Variants in TMTC1 observed in about 807,000 individuals in gnomAD.
TMTC1 encodes transmembrane O-mannosyltransferase targeting cadherins 1.
Under a neutral mutation model 104.8 loss-of-function variants are expected in TMTC1, and 73 were observed. The observed-to-expected ratio is 0.70, with a 90% confidence interval of 0.58 to 0.85. The LOEUF is 0.85. Among genes scored for constraint, TMTC1 ranks in the 40% least tolerant of loss-of-function variants. The pLI is 0.00. For missense variants in TMTC1, 1,035 were observed against 1,096.1 expected (o/e 0.94, Z 0.79); for synonymous variants, 434 against 428.7 (o/e 1.01, Z -0.15).
chr12:29,520,729 A>G lies in TMTC1; in HGVS notation c.1786-9T>C. 1 of 1,599,520 alleles carries G rather than the reference A, an allele frequency of 6.3e-7. No individual in the cohort carries two copies. Among genetic ancestry groups the G allele is most frequent in the Non-Finnish European group, 8.5e-7 (1 of 1,173,902 alleles). On this transcript the variant is annotated splice_polypyrimidine_tract_variant and intron_variant, in intron 11 of 17. Transcript: ENST00000539277. ...GCTTCTTTAAACCGCTCCTTTAAAA[A>G]GAAAGAAACAAACAAAATAAGTGAG...
chr12:29,681,518 A>G (rs73271760), intron 5 of TMTC1, among the ~76,000 whole-genome samples: 34,682 of 152,056 alleles, frequency 0.23, 4,244 homozygotes, highest in East Asian at 0.38. Flanking sequence ...AAGTATTCTA[A>G]CCAAAAAGAG....
Position 29,644,147 on chromosome 12 carries a change from GTGTATATATA to G in TMTC1, c.939-10821_939-10812del, listed in dbSNP as rs1173830595. Among the ~76,000 whole-genome samples, 470 of 61,526 alleles carry G rather than the reference GTGTATATATA, an allele frequency of 7.6e-3. 14 individuals are homozygous for G. Among genetic ancestry groups the G allele is most frequent in the Middle Eastern group, 0.016 (2 of 124 alleles). 40.4% of individuals were successfully genotyped at this position (61,526 alleles called of 152,430 possible). ...TGTGTGTGTGTGTGTGTGTGTGTGT[GTGTATATATA>G]TATATAATGAAATACTAAACAGCCA... On this transcript the variant is annotated intron_variant, in intron 5 of 17. Transcript: ENST00000539277.
chr12:29,700,227 C>G (rs1397906845), intron 5 of TMTC1, among the ~76,000 whole-genome samples: 2 of 138,874 alleles, frequency 1.4e-5, no homozygotes, highest in African/African-American at 2.6e-5. Flanking sequence ...TTTTGTTTTT[C>G]TTTTTTTTTT....
intron 5 of TMTC1, among the ~76,000 whole-genome samples, chr12:29,679,346 T>C (rs1940835578): frequency 6.6e-6 from 1 of 152,194 alleles, no homozygotes; most frequent in South Asian, 2.1e-4. Context: ...TTTCTGTAGT[T>C]CTGAATTTTT....
chr12:29,572,091 T>C lies in TMTC1; in HGVS notation c.1532+14A>G. On this transcript the variant is annotated intron_variant, in intron 9 of 17. Coordinates refer to ENST00000539277, the MANE Select transcript of TMTC1 (RefSeq NM_001193451.2). ...AAAGCACCAAGGCCAACACCCTCCCTGTGTGGCGCTTACTTGAGAGCTGTT... is the reference window on the plus strand; with the variant it reads ...AAAGCACCAAGGCCAACACCCTCCCCGTGTGGCGCTTACTTGAGAGCTGTT... The C allele has an allele frequency of 6.2e-7, 1 of 1,603,370 alleles. No homozygotes were observed. The highest frequency in any genetic ancestry group is 8.5e-7 in the Non-Finnish European group (1 of 1,170,412).
At chr12:29,546,581 C>T (rs1289594537) in intron 10 of TMTC1, among the ~76,000 whole-genome samples, 1 of 152,058 alleles carries the variant, frequency 6.6e-6, no homozygotes, top group African/African-American at 2.4e-5. Flanking sequence ...GATTTAAAAG[C>T]CTTTTGATTA....
intron 5 of TMTC1, among the ~76,000 whole-genome samples, chr12:29,664,056 G>A (rs896345375): frequency 1.1e-4 from 17 of 150,428 alleles, no homozygotes; most frequent in Admixed American, 3.3e-4. Flanking sequence ...GCGTAGTGGC[G>A]GGCGCCTGTA....
chr12:29,604,354 C>A, intron 6 of TMTC1, 55 bp from the exon 7 acceptor site: 1 of 1,607,376 alleles, frequency 6.2e-7, no homozygotes, highest in Non-Finnish European at 8.5e-7. Context: ...CCACTTCAGG[C>A]AGCATTTAAC....
intron 4 of TMTC1, among the ~76,000 whole-genome samples, chr12:29,754,753 C>G (rs2136981809): frequency 6.6e-6 from 1 of 152,234 alleles, no homozygotes; most frequent in South Asian, 2.1e-4. Flanking sequence ...CAACAGAGCA[C>G]TACACTCTTT....
rs554449512 is a variant in TMTC1, at chr12:29,523,124, C to T, written c.1786-2404G>A. 8.5e-5 allele frequency among the ~76,000 whole-genome samples: 13 copies of T among 152,338 alleles called. No individual in the cohort carries two copies. In the East Asian group the frequency reaches 2.5e-3, roughly 29 times the overall value. On this transcript the variant is annotated intron_variant, in intron 11 of 17. Transcript: ENST00000539277. ...TTTGGGTATTTGTCCATCTGTTCATCCATCCAACCTGTCCCTCCCTCCCTT... is the reference window on the plus strand; with the variant it reads ...TTTGGGTATTTGTCCATCTGTTCATTCATCCAACCTGTCCCTCCCTCCCTT...
intron 2 of TMTC1, among the ~76,000 whole-genome samples, chr12:29,760,094 C>T (rs921418516): frequency 3.9e-5 from 6 of 152,162 alleles, no homozygotes; most frequent in Admixed American, 1.3e-4. Context: ...GTATTCAGTA[C>T]GGTAGCCTAA....
At chr12:29,522,088 C>T (rs2136162548) in intron 11 of TMTC1, among the ~76,000 whole-genome samples, 2 of 152,292 alleles carry the variant, frequency 1.3e-5, no homozygotes, top group Admixed American at 1.3e-4. Flanking sequence ...CATATATGCC[C>T]TGAGTATGGA....
At chr12:29,731,122 T>C (rs1454201356) in intron 5 of TMTC1, among the ~76,000 whole-genome samples, 1 of 152,230 alleles carries the variant, frequency 6.6e-6, no homozygotes, top group Non-Finnish European at 1.5e-5. Flanking sequence ...GAGAATTTAA[T>C]TCAGCAAATA....
chr12:29,771,266 C>G (rs574202705), intron 1 of TMTC1, among the ~76,000 whole-genome samples: 1 of 152,086 alleles, frequency 6.6e-6, no homozygotes, highest in African/African-American at 2.4e-5. Flanking sequence ...CTAATTCTAA[C>G]AGGATTAGAC....
intron 5 of TMTC1, among the ~76,000 whole-genome samples, chr12:29,696,177 T>C (rs1941418576): frequency 6.6e-6 from 1 of 152,198 alleles, no homozygotes. Flanking sequence ...AGAAGCACTA[T>C]TATTTCGTTC....
At chr12:29,644,145 G>C (rs1200940726) in intron 5 of TMTC1, among the ~76,000 whole-genome samples, 2 of 76,918 alleles carry the variant, frequency 2.6e-5, no homozygotes, top group African/African-American at 1.2e-4. Flanking sequence ...GTGTGTGTGT[G>C]TGTGTATATA....
intron 5 of TMTC1, among the ~76,000 whole-genome samples, chr12:29,715,985 C>CATT (rs1565789801): frequency 8.2e-6 from 1 of 121,338 alleles, no homozygotes; most frequent in African/African-American, 3.1e-5. Flanking sequence ...CAGCCAAACT[C>CATT]AGTATTATTA....
At position 29,633,100 on chromosome 12, in the gene TMTC1, A is replaced by G. The variant is rs752273059; in HGVS notation, c.1128+47T>C. 1.2e-5 allele frequency: 19 copies of G among 1,546,412 alleles called. No individual in the cohort carries two copies. In the African/African-American group the frequency reaches 1.8e-4, roughly 14 times the overall value. On this transcript the variant is annotated intron_variant, in intron 6 of 17. Coordinates refer to ENST00000539277, the MANE Select transcript of TMTC1 (RefSeq NM_001193451.2). ...CTAAAAAGAACATTATAGGCATAGA[A>G]TATCTGTCTTCAAATGCAGAGTTCA...
intron 16 of TMTC1, 76 bp from the exon 17 acceptor site, chr12:29,512,196 C>T (rs1291487475): frequency 1.7e-5 from 21 of 1,232,332 alleles, no homozygotes; most frequent in Admixed American, 6.9e-5. Flanking sequence ...ACTTTCTTCA[C>T]GTGTGAAAAT....
Sources: gnomAD v4.1 joint callset for allele counts (sites outside exome capture counted in the v4.1 genomes callset) on GRCh38, gnomAD v4.1.1 for gene constraint, MANE v1.5 for transcripts, NCBI Gene and HGNC (gene_info 2026-07-23, HGNC 2026-07-21) for gene names.